Variants in SRGN observed in about 807,000 individuals in gnomAD.
SRGN encodes hematopoetic proteoglycan core peptide.
In SRGN, 2 loss-of-function variants were observed where a neutral mutation model predicts 9.5. That is an observed-to-expected ratio of 0.21 (90% CI 0.09 to 0.66). The LOEUF (loss-of-function observed/expected upper bound fraction) is 0.66. Ranked by LOEUF, SRGN falls within the 30% of genes least tolerant of loss-of-function variation. The pLI is 0.83. For missense variants in SRGN, 170 were observed against 192.4 expected, an observed-to-expected ratio of 0.88 and a Z score of 0.69; for synonymous variants, 59 against 72.3, an observed-to-expected ratio of 0.82 and a Z score of 0.93.
chr10:69,102,265 CA>C (rs1840309003), intron 2 of SRGN, among the ~76,000 whole-genome samples: 1 of 152,110 alleles, frequency 6.6e-6, no homozygotes, highest in African/African-American at 2.4e-5. Flanking sequence ...GTTTAACTAC[CA>C]AATCTGTGAT....
intron 1 of SRGN, among the ~76,000 whole-genome samples, chr10:69,089,262 AAG>A (rs1270315424): frequency 1.3e-5 from 2 of 152,212 alleles, no homozygotes; most frequent in Admixed American, 1.3e-4. Flanking sequence ...ATGCTGAAAA[AAG>A]AGCAAGTAAT....
chr10:69,090,898 A>G (rs1390506754), intron 1 of SRGN, among the ~76,000 whole-genome samples: 1 of 151,984 alleles, frequency 6.6e-6, no homozygotes, highest in East Asian at 1.9e-4. Flanking sequence ...TTCCACTTTT[A>G]TTGCCTCTCT....
chr10:69,088,039 G>A (rs1029279885), upstream of SRGN: 6 of 749,192 alleles, frequency 8.0e-6, no homozygotes, highest in East Asian at 2.5e-5. Context: ...AAATTGTGAC[G>A]TGTGTTCTGG....
chr10:69,102,231 C>T (rs755558025), intron 2 of SRGN, among the ~76,000 whole-genome samples: 8 of 152,098 alleles, frequency 5.3e-5, no homozygotes, highest in Non-Finnish European at 7.3e-5. Flanking sequence ...TGCTTTCTCT[C>T]GACGACCTCC....
chr10:69,099,025 C>A (rs1316449732), intron 2 of SRGN, among the ~76,000 whole-genome samples: 1 of 151,958 alleles, frequency 6.6e-6, no homozygotes, highest in Non-Finnish European at 1.5e-5. Flanking sequence ...AAAATCAAAT[C>A]TCTTCTTTTG....
At chr10:69,089,691 T>C (rs181483963) in intron 1 of SRGN, among the ~76,000 whole-genome samples, 3 of 151,768 alleles carry the variant, frequency 2.0e-5, no homozygotes, top group Admixed American at 6.6e-5. Context: ...GTCAGGAGTT[T>C]GAGACCAGCC....
At chr10:69,096,592 G>C (rs964507851) in intron 1 of SRGN, among the ~76,000 whole-genome samples, 1 of 152,146 alleles carries the variant, frequency 6.6e-6, no homozygotes, top group African/African-American at 2.4e-5. Flanking sequence ...TAAAATGTTG[G>C]CACATAGTGG....
chr10:69,094,740 T>G (rs1356854343), intron 1 of SRGN, among the ~76,000 whole-genome samples: 2 of 151,978 alleles, frequency 1.3e-5, no homozygotes, highest in Non-Finnish European at 1.5e-5. Flanking sequence ...AGATGTGTGC[T>G]ACCACATCCA....
At position 69,099,227 on chromosome 10, in the gene SRGN, C is replaced by T. The variant is rs534626407; in HGVS notation, c.227+1996C>T. Among the ~76,000 whole-genome samples the T allele has an allele frequency of 2.6e-5, 4 of 152,098 alleles. No individual in the cohort carries two copies. In the East Asian group the frequency reaches 5.8e-4, roughly 22 times the overall value. On this transcript the variant is annotated intron_variant, in intron 2 of 2. Transcript: ENST00000242465. ...CCAGGCTCAAACCTAGAAAATCACT[C>T]TCCTCAAAGCCAGGGTTAATCATCA... is the stretch of plus-strand genomic sequence containing the variant.
At chr10:69,103,446 G>A (rs1237118240) in intron 2 of SRGN, among the ~76,000 whole-genome samples, 1 of 152,058 alleles carries the variant, frequency 6.6e-6, no homozygotes, top group Non-Finnish European at 1.5e-5. Flanking sequence ...GGGAGGCTGA[G>A]GCAGGAGAAT....
chr10:69,102,394 C>T (rs957383424), intron 2 of SRGN, among the ~76,000 whole-genome samples: 2 of 152,228 alleles, frequency 1.3e-5, no homozygotes, highest in Non-Finnish European at 2.9e-5. Context: ...TTTTCATTGT[C>T]TGTCTTCCCC....
intron 2 of SRGN, among the ~76,000 whole-genome samples, chr10:69,102,081 G>A (rs1435386616): frequency 6.6e-6 from 1 of 151,824 alleles, no homozygotes; most frequent in African/African-American, 2.4e-5. Context: ...CTCCTTCCTT[G>A]AAATGCTTTT....
At position 69,097,094 on chromosome 10, in the gene SRGN, G is replaced by A. The variant is rs1840189544; in HGVS notation, c.90G>A (p.Thr30=). The A allele has an allele frequency of 6.2e-7, 1 of 1,613,866 alleles. No individual in the cohort carries two copies. The highest frequency in any genetic ancestry group is 8.5e-7 in the Non-Finnish European group (1 of 1,179,918). ...VLESSVQGYP[T]RRARYQWVRC... ...GGGTTCCTCGGGCAGGTTATCCTACGCGGAGAGCCAGGTACCAATGGGTGC... is the reference window on the plus strand; with the variant it reads ...GGGTTCCTCGGGCAGGTTATCCTACACGGAGAGCCAGGTACCAATGGGTGC... The change falls in exon 2 of 3, where the codon ACG becomes ACA. Residue 30 remains threonine, a synonymous_variant. Transcript: ENST00000242465.
At chr10:69,103,550 A>T (rs906028159) in intron 2 of SRGN, among the ~76,000 whole-genome samples, 3 of 152,146 alleles carry the variant, frequency 2.0e-5, no homozygotes, top group Admixed American at 2.0e-4. Context: ...CTCCAAAAAT[A>T]AAAATTAAAA....
chr10:69,089,917 G>A (rs934065313), intron 1 of SRGN, among the ~76,000 whole-genome samples: 1 of 151,272 alleles, frequency 6.6e-6, no homozygotes, highest in Non-Finnish European at 1.5e-5. Flanking sequence ...GAGAGAGAGA[G>A]AGAAAGAAAG....
intron 2 of SRGN, among the ~76,000 whole-genome samples, chr10:69,097,617 C>T (rs1208047504): frequency 3.3e-5 from 5 of 151,954 alleles, no homozygotes; most frequent in Non-Finnish European, 7.4e-5. Flanking sequence ...TTAGTAGAGA[C>T]GGGGTTTCAC....
chr10:69,097,649 G>A (rs1051282428), intron 2 of SRGN, among the ~76,000 whole-genome samples: 11 of 151,896 alleles, frequency 7.2e-5, no homozygotes, highest in Non-Finnish European at 8.8e-5. Flanking sequence ...GGATGGTCTC[G>A]ATCTCCTGAC....
chr10:69,088,071 C>A, upstream of SRGN: 2 of 1,173,272 alleles, frequency 1.7e-6, no homozygotes, highest in Non-Finnish European at 2.5e-6. Flanking sequence ...GGTTTTGGAA[C>A]ATTTTCTAAA....
At chr10:69,089,092 T>C (rs1027022897) in intron 1 of SRGN, among the ~76,000 whole-genome samples, 4 of 152,120 alleles carry the variant, frequency 2.6e-5, no homozygotes, top group Admixed American at 2.6e-4. Context: ...GTAAGGGAAA[T>C]GTTGAGTCAC....
Sources: allele counts gnomAD v4.1 joint callset (sites outside exome capture counted in the v4.1 genomes callset), GRCh38; gene constraint gnomAD v4.1.1; transcripts MANE v1.5; gene names NCBI Gene and HGNC (gene_info 2026-07-23, HGNC 2026-07-21).